CEP112: variants seen among roughly 807,000 people sequenced by gnomAD.
CEP112 encodes the protein centrosomal protein of 112 kDa.
A neutral mutation model predicts 153.0 loss-of-function variants in CEP112; 127 were observed. The observed-to-expected ratio is 0.83, with a 90% CI of 0.72 to 0.96. CEP112 has a LOEUF of 0.96. Ranked by LOEUF, CEP112 falls within the 40% of genes least tolerant of loss-of-function variation. The probability of loss-of-function intolerance (pLI) is 0.00; values close to 1 mark genes in which losing one functional copy is unlikely to be tolerated. For synonymous variants in CEP112, 358 were observed against 374.4 expected, an observed-to-expected ratio of 0.96 and a Z score of 0.51; for missense variants, 1,089 against 1,101.2, an observed-to-expected ratio of 0.99 and a Z score of 0.16.
At chr17:66,145,409 T>C (rs2070879809) in intron 4 of CEP112, among the ~76,000 whole-genome samples, 1 of 152,132 alleles carries the variant, frequency 6.6e-6, no homozygotes, top group South Asian at 2.1e-4. Flanking sequence ...TTTTTCTTCA[T>C]TGTTTTGTGT....
chr17:65,744,017 C>A (rs1265357660), intron 22 of CEP112, among the ~76,000 whole-genome samples: 2 of 152,150 alleles, frequency 1.3e-5, no homozygotes, highest in African/African-American at 4.8e-5. Flanking sequence ...CCCACCTCGG[C>A]ATCCCAAAGT....
chr17:65,912,941 A>C (rs2060342389), intron 19 of CEP112, among the ~76,000 whole-genome samples: 1 of 152,098 alleles, frequency 6.6e-6, no homozygotes, highest in South Asian at 2.1e-4. Context: ...GTAATTGTGG[A>C]AGTAATTGTT....
Position 66,029,168 on chromosome 17 carries a change from A to G in CEP112, c.1458T>C (p.Ala486=). Residue 486 remains alanine, a synonymous_variant, in exon 14 of 27, where the codon GCT becomes GCC. Transcript: ENST00000535342. ...NMKLLQTKYD[A]DINLLKQEHA... Reference sequence around the variant, plus strand: ...GTTCTTGTTTTAGAAGGTTTATATCAGCATCATATTTGGTTTGTAACAGTT... The same window carrying G: ...GTTCTTGTTTTAGAAGGTTTATATCGGCATCATATTTGGTTTGTAACAGTT... 6.2e-7 allele frequency: 1 copy of G among 1,609,324 alleles called. No homozygotes were observed. The highest frequency in any genetic ancestry group is 2.2e-5 in the East Asian group (1 of 44,728).
At chr17:65,660,225 C>CTT (rs2046280345) in intron 24 of CEP112, among the ~76,000 whole-genome samples, 1 of 55,364 alleles carries the variant, frequency 1.8e-5, no homozygotes, top group African/African-American at 1.0e-4. Context: ...CCCTCCCTCC[C>CTT]TCCTTCCTTC....
intron 19 of CEP112, among the ~76,000 whole-genome samples, chr17:65,911,853 G>A (rs1888198249): frequency 6.6e-6 from 1 of 152,058 alleles, no homozygotes; most frequent in South Asian, 2.1e-4. Context: ...AGAAATTTCT[G>A]GAATAATGCT....
At chr17:65,860,983 G>C (rs2058295045) in intron 20 of CEP112, among the ~76,000 whole-genome samples, 1 of 152,184 alleles carries the variant, frequency 6.6e-6, no homozygotes, top group Admixed American at 6.5e-5. Context: ...AAAACACGCT[G>C]AGTGAAGGAA....
intron 24 of CEP112, among the ~76,000 whole-genome samples, chr17:65,643,735 CT>C (rs1433430205): frequency 6.6e-6 from 1 of 152,234 alleles, no homozygotes. Flanking sequence ...GTTTCATCCA[CT>C]TCTTCTGAGT....
chr17:65,906,533 G>A (rs147480120), intron 19 of CEP112, among the ~76,000 whole-genome samples: 108 of 152,150 alleles, frequency 7.1e-4, no homozygotes, highest in African/African-American at 2.5e-3. Context: ...TAACAATAAT[G>A]TATAAATAAT....
At chr17:65,867,239 G>A (rs773891727) in intron 20 of CEP112, among the ~76,000 whole-genome samples, 37 of 152,172 alleles carry the variant, frequency 2.4e-4, no homozygotes, top group Non-Finnish European at 4.1e-4. Flanking sequence ...CTGGCATGCC[G>A]GCCTGTGCAC....
chr17:65,970,274 T>TG (rs2062633825), intron 17 of CEP112, among the ~76,000 whole-genome samples: 1 of 151,790 alleles, frequency 6.6e-6, no homozygotes, highest in Non-Finnish European at 1.5e-5. Flanking sequence ...ATTACATGCA[T>TG]GTATGTAGCA....
chr17:65,654,790 CAT>C, intron 24 of CEP112: 1 of 376,384 alleles, frequency 2.7e-6, no homozygotes, highest in South Asian at 2.2e-5. Context: ...AAATGGATAA[CAT>C]AGTCAAAGGC....
At chr17:65,822,301 C>T (rs2056630908) in intron 21 of CEP112, among the ~76,000 whole-genome samples, 1 of 151,974 alleles carries the variant, frequency 6.6e-6, no homozygotes, top group South Asian at 2.1e-4. Flanking sequence ...TACAGTCTTC[C>T]TTAGGTACCC....
At chr17:65,724,853 T>C (rs570465555) in intron 23 of CEP112, among the ~76,000 whole-genome samples, 4 of 152,212 alleles carry the variant, frequency 2.6e-5, no homozygotes, top group African/African-American at 9.6e-5. Flanking sequence ...TCTAGCCCCT[T>C]TACCCCTCTT....
intron 8 of CEP112, among the ~76,000 whole-genome samples, chr17:66,072,793 T>C (rs1025679132): frequency 2.0e-5 from 3 of 152,174 alleles, no homozygotes; most frequent in Non-Finnish European, 4.4e-5. Context: ...TGCTACAGAA[T>C]ACCTCTATAT....
rs530232299 is a variant in CEP112 at position 65,723,905 on chromosome 17, C to G, written c.2607+19163G>C. On this transcript the variant is annotated intron_variant, in intron 23 of 26. Transcript: ENST00000535342. ...AGGGTGAGATGCAAATCATCTGTTACTCTGAAATATTTTACCACCAAATCC... is the reference window on the plus strand; with the variant it reads ...AGGGTGAGATGCAAATCATCTGTTAGTCTGAAATATTTTACCACCAAATCC... Among the ~76,000 whole-genome samples, 3 of 152,284 alleles carry G rather than the reference C, an allele frequency of 2.0e-5. No individual in the cohort carries two copies. In the East Asian group the frequency reaches 5.8e-4, roughly 29 times the overall value.
At chr17:66,148,370 G>A (rs2071014001) in intron 4 of CEP112, among the ~76,000 whole-genome samples, 2 of 152,066 alleles carry the variant, frequency 1.3e-5, no homozygotes, top group African/African-American at 4.8e-5. Flanking sequence ...CATATCAGAT[G>A]CATTTTTCTA....
intron 18 of CEP112, among the ~76,000 whole-genome samples, chr17:65,934,185 T>C (rs1193266699): frequency 6.6e-6 from 1 of 151,286 alleles, no homozygotes; most frequent in African/African-American, 2.4e-5. Context: ...CAAGACTCTG[T>C]CTCAAAAAAA....
intron 17 of CEP112, among the ~76,000 whole-genome samples, chr17:65,997,454 A>G (rs17704014): frequency 0.41 from 62,406 of 151,948 alleles, 14,286 homozygotes; most frequent in East Asian, 0.87. Context: ...AGCTATTTCC[A>G]GAAACCTGGT....
intron 6 of CEP112, among the ~76,000 whole-genome samples, chr17:66,119,342 A>T (rs1429169219): frequency 6.6e-6 from 1 of 152,320 alleles, no homozygotes; most frequent in East Asian, 1.9e-4. Context: ...GAACTTAAAA[A>T]ATAATAAAAT....
Sources: allele counts gnomAD v4.1 joint callset (sites outside exome capture counted in the v4.1 genomes callset), GRCh38; gene constraint gnomAD v4.1.1; transcripts MANE v1.5; gene names NCBI Gene and HGNC (gene_info 2026-07-23, HGNC 2026-07-21).